Variants in IRAK1 observed in about 807,000 individuals in gnomAD.
IRAK1 encodes the protein interleukin 1 receptor associated kinase 1.
In IRAK1, 9 loss-of-function variants were observed where a neutral mutation model predicts 49.8. That is an observed-to-expected ratio of 0.18 (90% CI 0.11 to 0.32). The LOEUF is 0.32. Ranked by LOEUF, IRAK1 falls within the 10% of genes least tolerant of loss-of-function variation. The pLI, the probability that IRAK1 is intolerant of heterozygous loss-of-function variation, is 1.00. For missense variants in IRAK1, 418 were observed against 600.5 expected (o/e 0.70, Z 3.18); for synonymous variants, 282 against 270.8 (o/e 1.04, Z -0.41).
At chrX:154,017,217 C>G (rs140085195) in intron 7 of IRAK1, 150 bp from the exon 8 acceptor site, 1 of 462,303 alleles carries the variant, frequency 2.2e-6, no homozygotes, top group Admixed American at 3.3e-5. Context: ...GCAAAGTCTC[C>G]GTGACCTGCA....
intron 7 of IRAK1, among the ~76,000 whole-genome samples, chrX:154,017,568 C>T (rs782231879): frequency 4.9e-4 from 55 of 111,437 alleles, no homozygotes; most frequent in South Asian, 2.2e-3. Context: ...GGCTGAGGCG[C>T]GCAGACCACC....
chrX:154,015,029 C>A (rs1482101357), intron 10 of IRAK1, among the ~76,000 whole-genome samples: 1 of 111,864 alleles, frequency 8.9e-6, no homozygotes, highest in Non-Finnish European at 1.9e-5. Context: ...GGACCGGAGG[C>A]CATCTCCAGT....
chrX:154,018,859 C>G, intron 4 of IRAK1, 72 bp from the exon 5 acceptor site: 1 of 772,171 alleles, frequency 1.3e-6, no homozygotes, highest in Non-Finnish European at 1.9e-6. Context: ...AGGCTCTCCC[C>G]ACCACAGCTG....
chrX:154,017,586 A>T (rs1257541582), intron 7 of IRAK1, among the ~76,000 whole-genome samples: 1 of 111,318 alleles, frequency 9.0e-6, no homozygotes. Context: ...ACCTGGGGTC[A>T]GGAGTTCGAG....
intron 11 of IRAK1, among the ~76,000 whole-genome samples, 172 bp downstream of exon 11, chrX:154,013,870 C>T (rs782186357): frequency 1.3e-3 from 149 of 112,318 alleles, no homozygotes; most frequent in African/African-American, 4.6e-3. Context: ...CAGGACTGCC[C>T]GGGGCCCCTC....
intron 13 of IRAK1, 137 bp downstream of exon 13, chrX:154,012,391 TG>T: frequency 1.5e-6 from 1 of 662,271 alleles, no homozygotes; most frequent in Non-Finnish European, 2.2e-6. Flanking sequence ...TGGGGCCGGC[TG>T]GGCTTCTAGA....
At position 154,013,040 on chromosome X, in the gene IRAK1, T is replaced by C. The variant is rs781905871; in HGVS notation, c.1930+3A>G. The C allele has an allele frequency of 8.3e-7, 1 of 1,207,869 alleles. No individual in the cohort carries two copies. On this transcript the variant is annotated splice_donor_region_variant and intron_variant, in intron 12 of 13. Transcript: ENST00000369980. ...TCTCCTGGGAACCCGTCTCCCCAGC[T>C]ACCTTCCACGGCTGTGGGCCGGGAT...
At chrX:154,017,956 G>C in intron 7 of IRAK1, 50 bp downstream of exon 7, 2 of 953,743 alleles carry the variant, frequency 2.1e-6, no homozygotes, top group Non-Finnish European at 3.0e-6. Context: ...CCAGCCAGGT[G>C]TCAGGAGTGC....
rs1557130249 is a variant in IRAK1, at chrX:154,018,607, G to T, written c.721C>A (p.Leu241Met). The stretch of plus-strand genomic sequence containing the variant: ...CAGGGTGCGACACTCACCTCCTTCA[G>T]CCTCTTCACAGCATACACCGTGTTC... ...MRNTVYAVKRLKENADLEWTA... is the reference protein window; with the variant it reads ...MRNTVYAVKRMKENADLEWTA... The change falls in exon 5 of 14, where the codon CTG (leucine) becomes ATG (methionine). Residue 241 changes from leucine (L) to methionine (M), a missense_variant. By Grantham distance (15) the Leu-to-Met change is conservative. This residue lies in a region of IRAK1 where 377 missense variants were observed against 499.5 expected (regional missense o/e 0.75). Transcript: ENST00000369980. The T allele has an allele frequency of 2.5e-6, 3 of 1,205,228 alleles. No individual in the cohort carries two copies. Among genetic ancestry groups the T allele is most frequent in the Admixed American group, 4.4e-5 (2 of 45,706 alleles).
chrX:154,017,215 T>A (rs782672618), intron 7 of IRAK1, 148 bp from the exon 8 acceptor site: 6 of 464,067 alleles, frequency 1.3e-5, no homozygotes, highest in Admixed American at 6.5e-5. Context: ...GAGCAAAGTC[T>A]CCGTGACCTG....
rs782060857 is a variant in IRAK1, at chrX:154,019,753, G to A, written c.60C>T (p.Tyr20=). ...GGCACATGACCCAGGGCGGCACCTCGTACAAGAAGTGCTGGGCGCCGGGGG... is the reference window on the plus strand; with the variant it reads ...GGCACATGACCCAGGGCGGCACCTCATACAAGAAGTGCTGGGCGCCGGGGG... ...PAAPGAQHFL[Y]EVPPWVMCRF... The change falls in exon 1 of 14, where the codon TAC becomes TAT. Residue 20 remains tyrosine (Y), a synonymous_variant. Coordinates refer to ENST00000369980, the MANE Select transcript of IRAK1 (RefSeq NM_001569.4). 5.2e-6 allele frequency: 5 copies of A among 954,198 alleles called. No individual in the cohort carries two copies. The highest frequency in any genetic ancestry group is 8.7e-5 in the East Asian group (2 of 23,038). 78.6% of individuals were successfully genotyped at this position (954,198 alleles called of 1,213,427 possible).
chrX:154,019,124 G>A, intron 3 of IRAK1, 46 bp from the exon 4 acceptor site: 2 of 1,201,294 alleles, frequency 1.7e-6, no homozygotes, highest in Non-Finnish European at 1.1e-6. Context: ...CAGCAGCAGG[G>A]TCTACAGCCG....
In IRAK1 at chrX:154,018,366, C is replaced by T. The variant is rs1282047480; in HGVS notation, c.730-11G>A. The T allele has an allele frequency of 1.7e-6, 2 of 1,158,016 alleles. No homozygotes were observed. Among genetic ancestry groups the T allele is most frequent in the Non-Finnish European group, 2.3e-6 (2 of 862,774 alleles). ...CTCCAGGTCAGCGTTCTGCAGCCCCCAGGGTGCGGTGGGGGAAGGGGCAGG... is the reference window on the plus strand; with the variant it reads ...CTCCAGGTCAGCGTTCTGCAGCCCCTAGGGTGCGGTGGGGGAAGGGGCAGG... On this transcript the variant is annotated splice_polypyrimidine_tract_variant and intron_variant, in intron 5 of 13. Transcript: ENST00000369980.
chrX:154,016,417 C>T lies in IRAK1; in HGVS notation c.1236+20G>A. 3 of 1,193,333 alleles carry T rather than the reference C, an allele frequency of 2.5e-6. No homozygotes were observed. The highest frequency in any genetic ancestry group is 3.4e-6 in the Non-Finnish European group (3 of 879,282). On this transcript the variant is annotated intron_variant, in intron 9 of 13. Transcript: ENST00000369980. ...TGTGGCTTCTCCTCCTCTGAGCCAG[C>T]AGAGGGGTCAGTGGCTCACCACCCC...
At chrX:154,014,016 C>T (rs1557128386) in intron 11 of IRAK1, 26 bp downstream of exon 11, 1 of 1,192,289 alleles carries the variant, frequency 8.4e-7, no homozygotes, top group Non-Finnish European at 1.1e-6. Context: ...TATCTGGCCA[C>T]CCCGTCCCAG....
At chrX:154,016,348 C>G in intron 9 of IRAK1, 89 bp downstream of exon 9, 1 of 935,831 alleles carries the variant, frequency 1.1e-6, no homozygotes, top group East Asian at 3.1e-5. Context: ...TGGCAGATGG[C>G]CCCTGGCCCG....
At position 154,018,805 on chromosome X, in the gene IRAK1, G is replaced by C. The variant is rs781955720; in HGVS notation, c.541-18C>G. ...GGGCCTGGCTGTGGGAAGAGAGCCT[G>C]GATCAGGTGGGGTCCCTGTCTCTTC... is the stretch of plus-strand genomic sequence containing the variant. On this transcript the variant is annotated intron_variant, in intron 4 of 13. Transcript: ENST00000369980. The C allele has an allele frequency of 1.3e-6, 1 of 767,485 alleles. No homozygotes were observed. The highest frequency in any genetic ancestry group is 2.0e-6 in the Non-Finnish European group (1 of 500,062). The allele number at this position is 767,485 out of a possible 1,213,427, so 63.2% of individuals were successfully genotyped here. A position where few individuals can be genotyped will look rare whatever the true frequency, so the allele number is the denominator to read the frequency against.
At position 154,019,322 on chromosome X, in the gene IRAK1, G is replaced by A. The variant is rs1557130761; in HGVS notation, c.311C>T (p.Pro104Leu). The change falls in exon 3 of 14, where the codon CCT (proline) becomes CTT (leucine). Residue 104 changes from proline to leucine, a missense_variant. Physicochemically the swap from Pro to Leu is moderately conservative, Grantham distance 98 (BLOSUM62 -3). This residue lies in a region of IRAK1 where 21 missense variants were observed against 84.9 expected (regional missense o/e 0.25). Coordinates refer to ENST00000369980, the MANE Select transcript of IRAK1 (RefSeq NM_001569.4). ...RARDIITAWHPPAPLPSPGTT... is the reference protein window; with the variant it reads ...RARDIITAWHLPAPLPSPGTT... ...GCCTGGGGACGGAAGCGGGGCGGGAGGGTGCCCTGGGACGCCAAGGAAGGA... is the reference window on the plus strand; with the variant it reads ...GCCTGGGGACGGAAGCGGGGCGGGAAGGTGCCCTGGGACGCCAAGGAAGGA... The A allele has an allele frequency of 8.6e-7, 1 of 1,163,334 alleles. No individual in the cohort carries two copies. Among genetic ancestry groups the A allele is most frequent in the Non-Finnish European group, 1.1e-6 (1 of 870,473 alleles).
chrX:154,015,325 G>C (rs1557128855), intron 10 of IRAK1, among the ~76,000 whole-genome samples: 1 of 112,328 alleles, frequency 8.9e-6, no homozygotes, highest in African/African-American at 3.2e-5. Flanking sequence ...CAGGATGCAT[G>C]GATGGACGGA....
Sources: gnomAD v4.1 joint callset for allele counts (sites outside exome capture counted in the v4.1 genomes callset) on GRCh38, gnomAD v4.1.1 for gene constraint, gnomAD v4.1.1 regional missense constraint, MANE v1.5 for transcripts, NCBI Gene and HGNC (gene_info 2026-07-23, HGNC 2026-07-21) for gene names.